CACHD1: variants seen among roughly 807,000 people sequenced by gnomAD.
CACHD1 encodes the protein VWFA and cache domain-containing protein 1.
A neutral mutation model predicts 138.7 loss-of-function variants in CACHD1; 71 were observed. That is an observed-to-expected ratio of 0.51 (90% CI 0.42 to 0.62). The LOEUF is 0.62. CACHD1 is among the 20% of genes least tolerant of loss of function. CACHD1 has a pLI of 0.00. For synonymous variants in CACHD1, 578 were observed against 591.5 expected (o/e 0.98, Z 0.33); for missense variants, 1,389 against 1,625.3 (o/e 0.85, Z 2.50).
intron 1 of CACHD1, among the ~76,000 whole-genome samples, chr1:64,550,076 CCA>C (rs1396256023): frequency 6.6e-6 from 1 of 152,094 alleles, no homozygotes; most frequent in Non-Finnish European, 1.5e-5. Flanking sequence ...TCTCTTAAGT[CCA>C]CACATATTTG....
intron 1 of CACHD1, among the ~76,000 whole-genome samples, chr1:64,528,303 AC>A (rs1268173394): frequency 6.6e-6 from 1 of 151,938 alleles, no homozygotes; most frequent in Non-Finnish European, 1.5e-5. Flanking sequence ...TGGTTTGAAA[AC>A]CCTCTGACTG....
chr1:64,581,920 A>T (rs920143639), intron 2 of CACHD1, among the ~76,000 whole-genome samples: 1 of 152,204 alleles, frequency 6.6e-6, no homozygotes, highest in African/African-American at 2.4e-5. Context: ...ACGTGCCGTC[A>T]TCTGTTACAA....
intron 12 of CACHD1, among the ~76,000 whole-genome samples, chr1:64,656,792 TAA>T (rs564859727): frequency 6.9e-6 from 1 of 145,096 alleles, no homozygotes. Context: ...ATTGGAGACT[TAA>T]AAAAAAAAAG....
At chr1:64,614,883 C>G (rs1460599878) in intron 4 of CACHD1, among the ~76,000 whole-genome samples, 1 of 152,120 alleles carries the variant, frequency 6.6e-6, no homozygotes, top group African/African-American at 2.4e-5. Context: ...TGCTTCTCTT[C>G]CCTCTTTTTC....
intron 26 of CACHD1, among the ~76,000 whole-genome samples, chr1:64,684,752 C>A (rs1650308896): frequency 6.6e-6 from 1 of 152,178 alleles, no homozygotes; most frequent in Admixed American, 6.5e-5. Flanking sequence ...AACTACCAAT[C>A]CTGCAAGCTC....
At chr1:64,529,179 G>A (rs1212385353) in intron 1 of CACHD1, among the ~76,000 whole-genome samples, 4 of 152,092 alleles carry the variant, frequency 2.6e-5, no homozygotes, top group African/African-American at 7.2e-5. Flanking sequence ...TAAGAGAAGT[G>A]GCTTGATGTC....
chr1:64,643,769 C>T (rs958938510), intron 8 of CACHD1, among the ~76,000 whole-genome samples: 3 of 152,146 alleles, frequency 2.0e-5, no homozygotes, highest in Non-Finnish European at 1.5e-5. Flanking sequence ...ACCCGGGAGG[C>T]GGAGCTTGCA....
chr1:64,670,148 C>T (rs1170384884), intron 16 of CACHD1, among the ~76,000 whole-genome samples: 1 of 152,146 alleles, frequency 6.6e-6, no homozygotes, highest in African/African-American at 2.4e-5. Flanking sequence ...AAGTTTAAAG[C>T]CCTGCTTCCA....
chr1:64,610,457 T>C (rs1234853059), intron 4 of CACHD1, among the ~76,000 whole-genome samples: 1 of 152,116 alleles, frequency 6.6e-6, no homozygotes, highest in Non-Finnish European at 1.5e-5. Context: ...ATTGGGCAAA[T>C]AGACCTGTTA....
intron 9 of CACHD1, among the ~76,000 whole-genome samples, chr1:64,651,173 C>A (rs1649081476): frequency 6.6e-6 from 1 of 151,960 alleles, no homozygotes; most frequent in Non-Finnish European, 1.5e-5. Flanking sequence ...AAAACAACAA[C>A]AAAAATTATG....
intron 1 of CACHD1, among the ~76,000 whole-genome samples, chr1:64,509,179 T>G (rs939187958): frequency 6.6e-6 from 1 of 152,148 alleles, no homozygotes; most frequent in African/African-American, 2.4e-5. Flanking sequence ...TTTGTGAGGG[T>G]TGGGGCTGCT....
chr1:64,474,224 T>C (rs990393285), intron 1 of CACHD1, among the ~76,000 whole-genome samples: 1 of 152,114 alleles, frequency 6.6e-6, no homozygotes, highest in African/African-American at 2.4e-5. Context: ...TCCTCATGGG[T>C]CTGGTGCAGA....
intron 4 of CACHD1, among the ~76,000 whole-genome samples, chr1:64,624,724 G>A (rs1010384608): frequency 1.3e-5 from 2 of 152,166 alleles, no homozygotes. Context: ...CCCTGAGCCT[G>A]TTTCCTCAGC....
intron 4 of CACHD1, 60 bp from the exon 5 acceptor site, chr1:64,629,295 G>T (rs1338604528): frequency 3.8e-6 from 6 of 1,568,786 alleles, no homozygotes; most frequent in South Asian, 1.2e-5. Context: ...TGCCTGAGGA[G>T]CAGTGCCTGC....
At chr1:64,635,517 G>T (rs1056698474) in intron 7 of CACHD1, among the ~76,000 whole-genome samples, 1 of 151,140 alleles carries the variant, frequency 6.6e-6, no homozygotes, top group Non-Finnish European at 1.5e-5. Flanking sequence ...CTGAGTAGCT[G>T]GGATTACAGG....
chr1:64,589,492 G>A (rs892310481), intron 3 of CACHD1, among the ~76,000 whole-genome samples: 8 of 151,468 alleles, frequency 5.3e-5, no homozygotes, highest in African/African-American at 9.7e-5. Flanking sequence ...GTGTGCGTGC[G>A]TGTGTGTGTG....
intron 23 of CACHD1, 120 bp downstream of exon 23, chr1:64,678,430 T>C: frequency 9.3e-7 from 1 of 1,073,040 alleles, no homozygotes; most frequent in East Asian, 3.0e-5. Context: ...TGGTAGTCTT[T>C]AGTTACAAAA....
intron 3 of CACHD1, among the ~76,000 whole-genome samples, chr1:64,590,732 T>A (rs4915989): frequency 0.054 from 8,268 of 152,312 alleles, 260 homozygotes; most frequent in Middle Eastern, 0.082. Flanking sequence ...TGAGCTTCTA[T>A]CATTTCTAAG....
Position 64,477,629 on chromosome 1 carries a change from A to AT in CACHD1, c.198+6691dup, listed in dbSNP as rs771584890. Among the ~76,000 whole-genome samples, 161 of 114,824 alleles carry AT rather than the reference A, an allele frequency of 1.4e-3. 4 individuals carry two copies. Among genetic ancestry groups the AT allele is most frequent in the African/African-American group, 5.9e-3 (137 of 23,166 alleles). The allele number at this position is 114,824 out of a possible 152,430, so 75.3% of individuals were successfully genotyped here. A position where few individuals can be genotyped will look rare whatever the true frequency, so the allele number is the denominator to read the frequency against. ...TTATTATTATTATTATTATTATTTT[A>AT]TTTTATTTTTTTTTTTGAGACGGAG... On this transcript the variant is annotated intron_variant, in intron 1 of 26. Transcript: ENST00000651257.
Sources: gnomAD v4.1 joint callset for allele counts (sites outside exome capture counted in the v4.1 genomes callset) on GRCh38, gnomAD v4.1.1 for gene constraint, MANE v1.5 for transcripts, NCBI Gene and HGNC (gene_info 2026-07-23, HGNC 2026-07-21) for gene names.